The following ARHGEF7 variants were observed in gnomAD, a reference collection of about 807,000 sequenced individuals.
ARHGEF7 encodes the protein Rho guanine nucleotide exchange factor 7.
In ARHGEF7, 33 loss-of-function variants were observed where a neutral mutation model predicts 109.8. The observed-to-expected ratio is 0.30, with a 90% CI of 0.23 to 0.40. The LOEUF (loss-of-function observed/expected upper bound fraction) is 0.40, where lower values mean the gene tolerates loss of function less well. ARHGEF7 is among the 10% of genes least tolerant of loss of function. ARHGEF7 has a pLI of 1.00. For synonymous variants in ARHGEF7, 458 were observed against 424.6 expected, an observed-to-expected ratio of 1.08 and a Z score of -0.97; for missense variants, 938 against 1,098.5, an observed-to-expected ratio of 0.85 and a Z score of 2.07.
intron 1 of ARHGEF7, 74 bp from the exon 2 acceptor site, chr13:111,153,831 G>C (rs571191120): frequency 1.3e-6 from 2 of 1,538,624 alleles, no homozygotes; most frequent in African/African-American, 2.9e-5. Flanking sequence ...CGCGGGCCGT[G>C]GGCGTCGCTC....
chr13:111,245,385 A>G (rs1259345012), intron 8 of ARHGEF7, among the ~76,000 whole-genome samples: 1 of 152,120 alleles, frequency 6.6e-6, no homozygotes, highest in East Asian at 1.9e-4. Flanking sequence ...GAAATGGTTC[A>G]TTGTTGTGTA....
chr13:111,227,435 A>G (rs1321894442), intron 5 of ARHGEF7, among the ~76,000 whole-genome samples: 1 of 152,256 alleles, frequency 6.6e-6, no homozygotes, highest in Non-Finnish European at 1.5e-5. Flanking sequence ...ATATCAAGGC[A>G]AGACCCTCTA....
At position 111,301,459 on chromosome 13, in the gene ARHGEF7, G is replaced by A. The variant is rs1189068122; in HGVS notation, c.2412-19G>A. On this transcript the variant is annotated intron_variant, in intron 20 of 21. Coordinates refer to ENST00000646102, the MANE Select transcript of ARHGEF7 (RefSeq NM_001354046.2). ...TGCCTCACCTTGTTCATGTGTGTGT[G>A]TTCTGTTTCCTGTTTCAGGAGTCTT... is the stretch of plus-strand genomic sequence containing the variant. 2 of 1,610,396 alleles carry A rather than the reference G, an allele frequency of 1.2e-6. No homozygotes were observed. Among genetic ancestry groups the A allele is most frequent in the Non-Finnish European group, 8.5e-7 (1 of 1,177,290 alleles).
chr13:111,136,564 A>G (rs2075097941), intron 1 of ARHGEF7, among the ~76,000 whole-genome samples: 1 of 152,264 alleles, frequency 6.6e-6, no homozygotes, highest in South Asian at 2.1e-4. Context: ...AAGACACAAC[A>G]TACCAGAATC....
In ARHGEF7 at chr13:111,303,117, AT is replaced by A; in HGVS notation, c.*5del. ...CTGGGATGAGACCAATCTATAAGGG[AT>A]GTCCTCAGTTCTTTCTGTTGAAGAC... On this transcript the variant is annotated 3_prime_UTR_variant, in exon 22 of 22. Transcript: ENST00000646102. The A allele has an allele frequency of 6.3e-7, 1 of 1,598,926 alleles. No individual in the cohort carries two copies. Among genetic ancestry groups the A allele is most frequent in the Non-Finnish European group, 8.5e-7 (1 of 1,170,990 alleles).
chr13:111,266,953 C>T lies in ARHGEF7; in HGVS notation c.951-595C>T, dbSNP rs1371851871. On this transcript the variant is annotated intron_variant, in intron 8 of 21. Transcript: ENST00000646102. This position sits in a 1 kb window ranked among gnomAD's most constrained non-coding sequence, Gnocchi z 4.8. Reference sequence around the variant, plus strand: ...GCACCACCAGGGGCCCTGATGCCCACAGCTTGTGCCGACTTGTCACCCCTC... The same window carrying T: ...GCACCACCAGGGGCCCTGATGCCCATAGCTTGTGCCGACTTGTCACCCCTC... The T allele has an allele frequency of 2.2e-6, 1 of 453,970 alleles. No individual in the cohort carries two copies. The highest frequency in any genetic ancestry group is 7.0e-5 in the East Asian group (1 of 14,332). 28.1% of individuals were successfully genotyped at this position (453,970 alleles called of 1,614,324 possible).
chr13:111,126,036 C>T (rs1302729974), intron 1 of ARHGEF7, among the ~76,000 whole-genome samples: 1 of 152,228 alleles, frequency 6.6e-6, no homozygotes, highest in Non-Finnish European at 1.5e-5. Flanking sequence ...TGAGCAATGT[C>T]ATTGGGGCTT....
chr13:111,129,996 T>C (rs1187604069), intron 1 of ARHGEF7, among the ~76,000 whole-genome samples: 1 of 152,202 alleles, frequency 6.6e-6, no homozygotes, highest in Non-Finnish European at 1.5e-5. Flanking sequence ...AGTTGGTGAA[T>C]AGATAAACAG....
At chr13:111,240,804 C>G (rs764326750) in intron 6 of ARHGEF7, among the ~76,000 whole-genome samples, 1 of 151,992 alleles carries the variant, frequency 6.6e-6, no homozygotes, top group Non-Finnish European at 1.5e-5. Flanking sequence ...TATGGAAATA[C>G]AGTTGTATGA....
intron 1 of ARHGEF7, among the ~76,000 whole-genome samples, chr13:111,152,194 C>A (rs1202981688): frequency 6.6e-6 from 1 of 152,094 alleles, no homozygotes; most frequent in East Asian, 1.9e-4. Context: ...TAATGTCTGA[C>A]TTGTTCAGAA....
rs541162198 is a variant in ARHGEF7 at position 111,145,517 on chromosome 13, G to A, written c.166-8388G>A. Among the ~76,000 whole-genome samples, 1 of 152,302 alleles carries A rather than the reference G, an allele frequency of 6.6e-6. No homozygotes were observed. Among genetic ancestry groups the A allele is most frequent in the African/African-American group, 2.4e-5 (1 of 41,564 alleles). On this transcript the variant is annotated intron_variant, in intron 1 of 21. Transcript: ENST00000646102. This position sits in a 1 kb window ranked among gnomAD's most constrained non-coding sequence, Gnocchi z 4.3. ...CCTGACAGGAGCCATGGTCTTCCGC[G>A]AGTGGTGTGTTGGTAAATGTTAAAC...
At chr13:111,130,940 A>C (rs1333824449) in intron 1 of ARHGEF7, among the ~76,000 whole-genome samples, 1 of 152,178 alleles carries the variant, frequency 6.6e-6, no homozygotes, top group Non-Finnish European at 1.5e-5. Flanking sequence ...AGTGGCGAGG[A>C]AAGGCCTGGA....
chr13:111,194,134 T>C (rs1161665786), intron 2 of ARHGEF7, among the ~76,000 whole-genome samples: 7 of 152,170 alleles, frequency 4.6e-5, no homozygotes, highest in Non-Finnish European at 1.5e-5. Context: ...TGCTACTACA[T>C]CGATTTCCTT....
chr13:111,127,436 G>T (rs2067641343), intron 1 of ARHGEF7, among the ~76,000 whole-genome samples: 1 of 151,958 alleles, frequency 6.6e-6, no homozygotes, highest in Admixed American at 6.6e-5. Context: ...GATTGCTTGA[G>T]GCCAGGAGTT....
At position 111,266,097 on chromosome 13, in the gene ARHGEF7, A is replaced by G. The variant is rs2091610689; in HGVS notation, c.951-1451A>G. Among the ~76,000 whole-genome samples the G allele has an allele frequency of 6.6e-6, 1 of 152,114 alleles. No individual in the cohort carries two copies. The highest frequency in any genetic ancestry group is 1.5e-5 in the Non-Finnish European group (1 of 68,024). ...CATTCCTCTGTCATTTTGGTCACGT[A>G]CCTGCTCTGGGAACTTCCCGAGGAG... On this transcript the variant is annotated intron_variant, in intron 8 of 21. Transcript: ENST00000646102. This position sits in a 1 kb window ranked among gnomAD's most constrained non-coding sequence, Gnocchi z 4.8.
At chr13:111,217,538 G>A (rs558295990) in intron 4 of ARHGEF7, 141 bp from the exon 5 acceptor site, 1 of 764,500 alleles carries the variant, frequency 1.3e-6, no homozygotes, top group South Asian at 1.8e-5. Flanking sequence ...GGCACTGGAA[G>A]GGAGGAAACT....
intron 5 of ARHGEF7, among the ~76,000 whole-genome samples, chr13:111,221,228 T>G (rs60579411): frequency 1.7e-5 from 1 of 57,422 alleles, no homozygotes; most frequent in African/African-American, 8.5e-5. Context: ...TATATATATC[T>G]ATATAGATAT....
At chr13:111,297,649 G>A (rs906200526) in intron 19 of ARHGEF7, among the ~76,000 whole-genome samples, 1 of 152,202 alleles carries the variant, frequency 6.6e-6, no homozygotes, top group Admixed American at 6.5e-5. Flanking sequence ...CTTAAGTGCT[G>A]TGCCCAGGTT....
chr13:111,263,002 T>C (rs915915655), intron 8 of ARHGEF7, among the ~76,000 whole-genome samples: 1 of 152,210 alleles, frequency 6.6e-6, no homozygotes, highest in Non-Finnish European at 1.5e-5. Context: ...GTTATCACAC[T>C]CTGAAGAGCA....
Sources: gnomAD v4.1 joint callset for allele counts (sites outside exome capture counted in the v4.1 genomes callset) on GRCh38, gnomAD v4.1.1 for gene constraint, Gnocchi (gnomAD v3.1) non-coding constraint, MANE v1.5 for transcripts, NCBI Gene and HGNC (gene_info 2026-07-23, HGNC 2026-07-21) for gene names.